The following SCAPER variants were observed in gnomAD, a reference collection of about 807,000 sequenced individuals.
SCAPER encodes S-phase cyclin A associated protein in the ER.
A neutral mutation model predicts 182.2 loss-of-function variants in SCAPER; 98 were observed. That is an observed-to-expected ratio of 0.54 (90% CI 0.46 to 0.64). The LOEUF (loss-of-function observed/expected upper bound fraction) is 0.64, where lower values mean the gene tolerates loss of function less well. SCAPER is among the 30% of genes least tolerant of loss of function. The probability of loss-of-function intolerance (pLI) is 0.00; values close to 1 mark genes in which losing one functional copy is unlikely to be tolerated. For synonymous variants in SCAPER, 605 were observed against 564.6 expected, an observed-to-expected ratio of 1.07 and a Z score of -1.01; for missense variants, 1,432 against 1,690.0, an observed-to-expected ratio of 0.85 and a Z score of 2.68.
rs1013743089 is a variant in SCAPER, at chr15:76,354,115, G to A, written c.3881C>T (p.Pro1294Leu). ...CTGGCAGAGCTTCTGCAGCACTGTG[G>A]GGTGGCGGCCGGACTGCACGATCAC... is the stretch of plus-strand genomic sequence containing the variant. Reference protein sequence around the residue: ...NQVIVQSGRHPTVLQKLCQLP... With the variant: ...NQVIVQSGRHLTVLQKLCQLP... The change falls in exon 30 of 32, where the codon CCC (proline) becomes CTC (leucine). Residue 1294 changes from proline (P) to leucine (L), a missense_variant. Coordinates refer to ENST00000563290, the MANE Select transcript of SCAPER (RefSeq NM_020843.4). The surrounding 1 kb of genome is among the most constrained non-coding windows in gnomAD (Gnocchi z 4.4). 6.8e-6 allele frequency: 11 copies of A among 1,608,700 alleles called. No individual in the cohort carries two copies. In the African/African-American group the frequency reaches 1.2e-4, roughly 18 times the overall value.
At chr15:76,722,547 C>T (rs1174622869) in intron 17 of SCAPER, among the ~76,000 whole-genome samples, 16 of 152,106 alleles carry the variant, frequency 1.1e-4, no homozygotes, top group African/African-American at 3.1e-4. Flanking sequence ...GCTGTGAATC[C>T]GTCTGGTCCT....
intron 29 of SCAPER, among the ~76,000 whole-genome samples, chr15:76,367,790 T>C (rs1381901853): frequency 6.6e-6 from 1 of 152,222 alleles, no homozygotes; most frequent in African/African-American, 2.4e-5. Flanking sequence ...TTTAATGCAA[T>C]TGGCCAAAAT....
At chr15:76,687,614 C>T (rs1015861841) in intron 20 of SCAPER, among the ~76,000 whole-genome samples, 9 of 152,096 alleles carry the variant, frequency 5.9e-5, no homozygotes, top group Non-Finnish European at 7.4e-5. Flanking sequence ...CAACAGGCCC[C>T]GGTGCGTGAT....
rs114892172 is a variant in SCAPER, at chr15:76,527,452, T to A, written c.2839-22478A>T. Reference sequence around the variant, plus strand: ...AGTTCCAGCACTGATACTGAAGATATTGCAGATACAGTTACTGAGCTGGCA... The same window carrying A: ...AGTTCCAGCACTGATACTGAAGATAATGCAGATACAGTTACTGAGCTGGCA... On this transcript the variant is annotated intron_variant, in intron 23 of 31. Transcript: ENST00000563290. Among the ~76,000 whole-genome samples the A allele has an allele frequency of 4.4e-3, 675 of 152,342 alleles. 6 individuals are homozygous for A. The highest frequency in any genetic ancestry group is 0.015 in the African/African-American group (631 of 41,580).
At position 76,859,017 on chromosome 15, in the gene SCAPER, T is replaced by G. The variant is rs1334215894; in HGVS notation, c.125-1138A>C. Among the ~76,000 whole-genome samples the G allele has an allele frequency of 3.3e-5, 5 of 152,354 alleles. No homozygotes were observed. The East Asian group carries it at 9.6e-4, about 29-fold the overall frequency. On this transcript the variant is annotated intron_variant, in intron 3 of 31. Coordinates refer to ENST00000563290, the MANE Select transcript of SCAPER (RefSeq NM_020843.4). ...ATTAGACTGCTGGGTCAAATGGTAG[T>G]TCTGTTTTCAACTCTTTGAGTAATC...
rs1360142140 is a variant in SCAPER at position 76,376,290 on chromosome 15, A to G, written c.3727T>C (p.Leu1243=). 3 of 1,613,340 alleles carry G rather than the reference A, an allele frequency of 1.9e-6. No homozygotes were observed. The South Asian group carries it at 3.3e-5, about 18-fold the overall frequency. Residue 1243 remains leucine (L), a synonymous_variant, in exon 29 of 32, where the codon TTG becomes CTG. Coordinates refer to ENST00000563290, the MANE Select transcript of SCAPER (RefSeq NM_020843.4). ...AFQSIVGAEG[L]SLAFRHMASS... is the part of the protein sequence containing the mutation. ...GCCATGTGCCGGAATGCAAGGGACA[A>G]GCCCTCTGCCCCTACAATAGACTGA...
intron 23 of SCAPER, among the ~76,000 whole-genome samples, chr15:76,563,251 G>C (rs1334340624): frequency 3.3e-5 from 5 of 152,130 alleles, no homozygotes; most frequent in African/African-American, 1.2e-4. Flanking sequence ...GTGCAAGTAA[G>C]TATCTGTGTA....
chr15:76,886,800 C>A (rs1370330469), intron 1 of SCAPER, among the ~76,000 whole-genome samples: 3 of 152,174 alleles, frequency 2.0e-5, no homozygotes, highest in African/African-American at 7.2e-5. Context: ...TACATATACA[C>A]CAGGGAATAC....
chr15:76,660,000 T>C (rs956722638), intron 21 of SCAPER, among the ~76,000 whole-genome samples: 31 of 152,158 alleles, frequency 2.0e-4, no homozygotes, highest in Non-Finnish European at 4.0e-4. Context: ...TAAATGCCTA[T>C]CAATGGGAGA....
At chr15:76,593,844 T>C (rs1597573007) in intron 22 of SCAPER, among the ~76,000 whole-genome samples, 1 of 120,464 alleles carries the variant, frequency 8.3e-6, no homozygotes, top group East Asian at 2.2e-4. Context: ...AGACCAAAGG[T>C]AGATAAATCC....
intron 17 of SCAPER, among the ~76,000 whole-genome samples, chr15:76,723,703 T>C (rs1176081557): frequency 6.6e-6 from 1 of 152,222 alleles, no homozygotes; most frequent in Non-Finnish European, 1.5e-5. Flanking sequence ...TCTTTTGATC[T>C]TTGTTGGTTT....
At chr15:76,815,775 T>C (rs2067026937) in intron 5 of SCAPER, among the ~76,000 whole-genome samples, 1 of 152,196 alleles carries the variant, frequency 6.6e-6, no homozygotes, top group Non-Finnish European at 1.5e-5. Flanking sequence ...CCTGATCATC[T>C]GAGGTGGAAC....
chr15:76,670,045 T>C, intron 20 of SCAPER, among the ~76,000 whole-genome samples: 1 of 152,172 alleles, frequency 6.6e-6, no homozygotes, highest in Non-Finnish European at 1.5e-5. Flanking sequence ...CATATTCACA[T>C]ACAAAACCAC....
intron 14 of SCAPER, among the ~76,000 whole-genome samples, chr15:76,760,130 C>G (rs1374873085): frequency 6.6e-6 from 1 of 152,174 alleles, no homozygotes; most frequent in African/African-American, 2.4e-5. Context: ...ATAATTCAAT[C>G]CAATTCTGAC....
At chr15:76,709,188 G>A (rs1213002725) in intron 17 of SCAPER, among the ~76,000 whole-genome samples, 2 of 152,164 alleles carry the variant, frequency 1.3e-5, no homozygotes, top group Non-Finnish European at 2.9e-5. Context: ...CTGGAATGCA[G>A]TAGCGCAATC....
chr15:76,765,899 C>T (rs576968992), intron 11 of SCAPER, among the ~76,000 whole-genome samples: 108 of 152,126 alleles, frequency 7.1e-4, no homozygotes, highest in Non-Finnish European at 1.0e-3. Flanking sequence ...TGGCCTTATC[C>T]TATTACTACA....
chr15:76,555,866 C>T (rs1003874612), intron 23 of SCAPER, among the ~76,000 whole-genome samples: 2 of 152,166 alleles, frequency 1.3e-5, no homozygotes, highest in Non-Finnish European at 2.9e-5. Flanking sequence ...TTGATCTCAA[C>T]ATTTGACCAA....
chr15:76,732,244 C>T (rs1247399536), intron 16 of SCAPER, among the ~76,000 whole-genome samples: 3 of 151,850 alleles, frequency 2.0e-5, no homozygotes, highest in Admixed American at 1.3e-4. Context: ...GGCAAGAGAC[C>T]GAGGGCATGA....
At chr15:76,529,584 G>C (rs539823660) in intron 23 of SCAPER, among the ~76,000 whole-genome samples, 3 of 152,236 alleles carry the variant, frequency 2.0e-5, no homozygotes, top group South Asian at 2.1e-4. Flanking sequence ...AGCGTGGTAA[G>C]AGAAGGCCTT....
Sources: gnomAD v4.1 joint callset for allele counts (sites outside exome capture counted in the v4.1 genomes callset) on GRCh38, gnomAD v4.1.1 for gene constraint, Gnocchi (gnomAD v3.1) non-coding constraint, MANE v1.5 for transcripts, NCBI Gene and HGNC (gene_info 2026-07-23, HGNC 2026-07-21) for gene names.